Variants in UFL1 observed in about 807,000 individuals in gnomAD.
UFL1 encodes the protein UFM1 specific ligase 1.
UFL1 carries 78 observed loss-of-function variants against 99.3 expected under a neutral mutation model. The ratio of observed to expected loss-of-function variants is 0.79; its 90% CI spans 0.65 to 0.95. The LOEUF (loss-of-function observed/expected upper bound fraction) is 0.95, where lower values mean the gene tolerates loss of function less well. UFL1 is among the 40% of genes least tolerant of loss of function. UFL1 has a pLI of 0.00. For missense variants in UFL1, 936 were observed against 937.0 expected, an observed-to-expected ratio of 1.00 and a Z score of 0.01; for synonymous variants, 335 against 322.2, an observed-to-expected ratio of 1.04 and a Z score of -0.42.
At chr6:96,525,765 G>A (rs1428230460) in intron 4 of UFL1, among the ~76,000 whole-genome samples, 1 of 149,978 alleles carries the variant, frequency 6.7e-6, no homozygotes, top group African/African-American at 2.5e-5. Flanking sequence ...ATAAGAAAAC[G>A]TAAAACGTAA....
chr6:96,542,295 C>T (rs1489524377), intron 11 of UFL1, among the ~76,000 whole-genome samples: 1 of 151,172 alleles, frequency 6.6e-6, no homozygotes, highest in Non-Finnish European at 1.5e-5. Flanking sequence ...TCATGGTCAA[C>T]ATTTATGAAG....
intron 10 of UFL1, among the ~76,000 whole-genome samples, chr6:96,539,593 T>C (rs1769902772): frequency 6.6e-6 from 1 of 151,602 alleles, no homozygotes; most frequent in African/African-American, 2.4e-5. Flanking sequence ...ATTTAAAACG[T>C]GTATTATCTG....
intron 12 of UFL1, among the ~76,000 whole-genome samples, chr6:96,547,515 A>G (rs1770017238): frequency 1.3e-5 from 2 of 151,532 alleles, no homozygotes; most frequent in Non-Finnish European, 3.0e-5. Context: ...AGACACATAT[A>G]CTCTTATGTT....
Position 96,529,192 on chromosome 6 carries a change from C to A in UFL1, c.596+560C>A, listed in dbSNP as rs1367533599. Among the ~76,000 whole-genome samples the A allele has an allele frequency of 6.6e-5, 10 of 152,250 alleles. No homozygotes were observed. The East Asian group carries it at 1.9e-3, about 29-fold the overall frequency. ...ATATTTGGGTCTGTGTGACAGACTCCAGCATAGAATTCAGAAAACCTATAT... is the reference window on the plus strand; with the variant it reads ...ATATTTGGGTCTGTGTGACAGACTCAAGCATAGAATTCAGAAAACCTATAT... On this transcript the variant is annotated intron_variant, in intron 6 of 18. Transcript: ENST00000369278.
At chr6:96,526,555 G>A in intron 5 of UFL1, 120 bp downstream of exon 5, 1 of 786,424 alleles carries the variant, frequency 1.3e-6, no homozygotes, top group East Asian at 2.7e-5. Flanking sequence ...TATTGCAGGT[G>A]TCTGACTTGA....
In UFL1 at chr6:96,540,649, G is replaced by A; in HGVS notation, c.1273G>A (p.Ala425Thr). The A allele has an allele frequency of 1.3e-6, 2 of 1,593,548 alleles. No homozygotes were observed. Among genetic ancestry groups the A allele is most frequent in the Admixed American group, 1.8e-5 (1 of 55,296 alleles). The change falls in exon 11 of 19, where the codon GCA becomes ACA. Residue 425 changes from alanine (A) to threonine (T), a missense_variant. Transcript: ENST00000369278. ...TAAAAAAGATGAGCGAAGAAGGAAA[G>A]CAACAGGTAATAAATTGTTAACAAG... ...KDKKDERRRKATEGSGSMRGG... is the reference protein window; with the variant it reads ...KDKKDERRRKTTEGSGSMRGG...
chr6:96,547,353 G>T (rs1770015419), intron 12 of UFL1, among the ~76,000 whole-genome samples: 2 of 151,506 alleles, frequency 1.3e-5, no homozygotes, highest in South Asian at 4.1e-4. Context: ...AAAGGGAATG[G>T]TTATACACAG....
At chr6:96,526,201 C>T in intron 4 of UFL1, 120 bp from the exon 5 acceptor site, 1 of 717,186 alleles carries the variant, frequency 1.4e-6, no homozygotes, top group Non-Finnish European at 2.3e-6. Flanking sequence ...TGTTCATGTA[C>T]ACACACATTT....
intron 12 of UFL1, 110 bp from the exon 13 acceptor site, chr6:96,548,054 G>A: frequency 1.5e-6 from 1 of 680,204 alleles, no homozygotes; most frequent in South Asian, 2.0e-5. Context: ...TAACAATTGA[G>A]TAATGAATGA....
Position 96,540,666 on chromosome 6 carries a change from G to C in UFL1, c.1279+11G>C, listed in dbSNP as rs1357005446. 1 of 1,590,480 alleles carries C rather than the reference G, an allele frequency of 6.3e-7. No individual in the cohort carries two copies. Among genetic ancestry groups the C allele is most frequent in the Admixed American group, 1.8e-5 (1 of 54,548 alleles). On this transcript the variant is annotated intron_variant, in intron 11 of 18. Coordinates refer to ENST00000369278, the MANE Select transcript of UFL1 (RefSeq NM_015323.5). ...GAAGGAAAGCAACAGGTAATAAATT[G>C]TTAACAAGGAATATTCAAAGTTTTG...
In UFL1 at chr6:96,542,963, A is replaced by T. The variant is rs1177393390; in HGVS notation, c.1349A>T (p.Lys450Met). Residue 450 changes from lysine (K) to methionine (M), a missense_variant, in exon 12 of 19, where the codon AAG becomes ATG. Coordinates refer to ENST00000369278, the MANE Select transcript of UFL1 (RefSeq NM_015323.5). ...GAGTACAAAATTAAAAAAGTCAAGA[A>T]GAAAGGAAGAAAAGATGATGATAGT... ...AREYKIKKVKKKGRKDDDSDD... is the reference protein window; with the variant it reads ...AREYKIKKVKMKGRKDDDSDD... 1 of 1,601,384 alleles carries T rather than the reference A, an allele frequency of 6.2e-7. No individual in the cohort carries two copies. Among genetic ancestry groups the T allele is most frequent in the South Asian group, 1.1e-5 (1 of 89,336 alleles).
chr6:96,551,501 T>C lies in UFL1; in HGVS notation c.1887T>C (p.Ser629=), dbSNP rs766639309. ...TAGCTCTTACAAAACTCCATAACTC[T>C]CTGAATGAAAAGGTAAGTAAAGTTT... ...TKVALTKLHN[S]LNEKSIEDFI... Residue 629 remains serine, a synonymous_variant, in exon 16 of 19, where the codon TCT becomes TCC. Coordinates refer to ENST00000369278, the MANE Select transcript of UFL1 (RefSeq NM_015323.5). The C allele has an allele frequency of 1.3e-6, 2 of 1,527,832 alleles. No individual in the cohort carries two copies. Among genetic ancestry groups the C allele is most frequent in the Non-Finnish European group, 1.8e-6 (2 of 1,134,464 alleles). 94.6% of individuals were successfully genotyped at this position (1,527,832 alleles called of 1,614,324 possible).
chr6:96,555,047 A>AAAAAG lies in UFL1; in HGVS notation c.*1550_*1554dup, dbSNP rs1331093464. The AAAAAG allele has an allele frequency of 6.6e-5, 10 of 152,608 alleles. No homozygotes were observed. The highest frequency in any genetic ancestry group is 2.4e-4 in the African/African-American group (10 of 41,472). The allele number at this position is 152,608 out of a possible 1,614,324, so 9.5% of individuals were successfully genotyped here. A position where few individuals can be genotyped will look rare whatever the true frequency, so the allele number is the denominator to read the frequency against. ...AAATAGAAGAGACAGTGAAGCAAGTAAAAAGAAAAGCATTGTTTTAATTTG... is the reference window on the plus strand; with the variant it reads ...AAATAGAAGAGACAGTGAAGCAAGTAAAAAGAAAAGAAAAGCATTGTTTTAATTTG... On this transcript the variant is annotated 3_prime_UTR_variant, in exon 19 of 19. Transcript: ENST00000369278.
chr6:96,537,496 G>C lies in UFL1; in HGVS notation c.925G>C (p.Val309Leu), dbSNP rs1270953980. ...ACVGQGLVDQ[V>L]EASVEEAISS... ...TGTTGGTCAAGGACTTGTGGATCAAGTGGAAGCATCAGTAGAAGAAGCCAT... is the reference window on the plus strand; with the variant it reads ...TGTTGGTCAAGGACTTGTGGATCAACTGGAAGCATCAGTAGAAGAAGCCAT... The change falls in exon 9 of 19, where the codon GTG (valine) becomes CTG (leucine). Residue 309 changes from valine to leucine, a missense_variant. Physicochemically the swap from Val to Leu is conservative, Grantham distance 32 (BLOSUM62 1). Transcript: ENST00000369278. The C allele has an allele frequency of 6.2e-7, 1 of 1,609,856 alleles. No individual in the cohort carries two copies.
At position 96,553,506 on chromosome 6, in the gene UFL1, A is replaced by G; in HGVS notation, c.*3A>G. The G allele has an allele frequency of 6.2e-7, 1 of 1,611,472 alleles. No individual in the cohort carries two copies. Among genetic ancestry groups the G allele is most frequent in the Non-Finnish European group, 8.5e-7 (1 of 1,178,872 alleles). ...AATCATCTGTGACGGAAGAGTAATG[A>G]TCTTAATTTACATTTGTCATATAGT... On this transcript the variant is annotated 3_prime_UTR_variant, in exon 19 of 19. Transcript: ENST00000369278.
rs367975525 is a variant in UFL1, at chr6:96,537,512, A to G, written c.941A>G (p.Glu314Gly). The G allele has an allele frequency of 1.2e-6, 2 of 1,606,382 alleles. No homozygotes were observed. Among genetic ancestry groups the G allele is most frequent in the Non-Finnish European group, 1.7e-6 (2 of 1,176,770 alleles). ...GTGGATCAAGTGGAAGCATCAGTAGAAGAAGCCATCAGCTCTGGAACATGG... is the reference window on the plus strand; with the variant it reads ...GTGGATCAAGTGGAAGCATCAGTAGGAGAAGCCATCAGCTCTGGAACATGG... The part of the protein sequence containing the change: ...GLVDQVEASV[E>G]EAISSGTWVD... The change falls in exon 9 of 19, where the codon GAA becomes GGA. Residue 314 changes from glutamate to glycine, a missense_variant. Glu to Gly is a moderately conservative substitution (Grantham distance 98). Coordinates refer to ENST00000369278, the MANE Select transcript of UFL1 (RefSeq NM_015323.5).
chr6:96,552,514 C>A lies in UFL1; in HGVS notation c.2018C>A (p.Ala673Asp). 1 of 1,600,466 alleles carries A rather than the reference C, an allele frequency of 6.2e-7. No homozygotes were observed. Among genetic ancestry groups the A allele is most frequent in the South Asian group, 1.1e-5 (1 of 88,722 alleles). Residue 673 changes from alanine (A) to aspartate (D), a missense_variant, in exon 18 of 19, where the codon GCT becomes GAT. Coordinates refer to ENST00000369278, the MANE Select transcript of UFL1 (RefSeq NM_015323.5). ...CTGTTCCAACATCGACAAGCACTGGCTGAACAGCTAAAGGTCACAGAAGAC... is the reference window on the plus strand; with the variant it reads ...CTGTTCCAACATCGACAAGCACTGGATGAACAGCTAAAGGTCACAGAAGAC... ...QILFQHRQAL[A>D]EQLKVTEDPA... is the part of the protein sequence containing the mutation.
At chr6:96,530,524 C>G (rs1265236070) in intron 6 of UFL1, among the ~76,000 whole-genome samples, 1 of 152,144 alleles carries the variant, frequency 6.6e-6, no homozygotes, top group Non-Finnish European at 1.5e-5. Flanking sequence ...TGTTCTTCAT[C>G]AGACTTGCAG....
chr6:96,525,959 A>G (rs867569022), intron 4 of UFL1, among the ~76,000 whole-genome samples: 2 of 152,060 alleles, frequency 1.3e-5, no homozygotes, highest in South Asian at 4.2e-4. Flanking sequence ...GGTGGCTCGC[A>G]CCTGTAGTCC....
Sources: gnomAD v4.1 joint callset for allele counts (sites outside exome capture counted in the v4.1 genomes callset) on GRCh38, gnomAD v4.1.1 for gene constraint, MANE v1.5 for transcripts, NCBI Gene and HGNC (gene_info 2026-07-23, HGNC 2026-07-21) for gene names.